The following KIF20A variants were observed in gnomAD, a reference collection of about 807,000 sequenced individuals.
KIF20A encodes kinesin-like protein KIF20A.
KIF20A carries 66 observed loss-of-function variants against 113.0 expected under a neutral mutation model. The observed-to-expected ratio is 0.58, with a 90% CI of 0.48 to 0.72. KIF20A has a LOEUF of 0.72. KIF20A is among the 30% of genes least tolerant of loss of function. The pLI, the probability that KIF20A is intolerant of heterozygous loss-of-function variation, is 0.00. For synonymous variants in KIF20A, 376 were observed against 402.3 expected, an observed-to-expected ratio of 0.93 and a Z score of 0.78; for missense variants, 927 against 1,077.6, an observed-to-expected ratio of 0.86 and a Z score of 1.96.
chr5:138,185,616 A>G lies in KIF20A; in HGVS notation c.2031A>G (p.Ser677=), dbSNP rs546302595. ...QSGSELALRR[S]QRLAASASTQ... is the part of the protein sequence containing the mutation. Reference sequence around the variant, plus strand: ...GGTCTGAATTGGCCCTACGGCGGTCACAAAGGTTGGCAGCTTCTGCCTCCA... The same window carrying G: ...GGTCTGAATTGGCCCTACGGCGGTCGCAAAGGTTGGCAGCTTCTGCCTCCA... The change falls in exon 16 of 19, where the codon TCA becomes TCG. Residue 677 remains serine, a synonymous_variant. Coordinates refer to ENST00000394894, the MANE Select transcript of KIF20A (RefSeq NM_005733.3). The G allele has an allele frequency of 6.2e-7, 1 of 1,614,214 alleles. No individual in the cohort carries two copies. Among genetic ancestry groups the G allele is most frequent in the East Asian group, 2.2e-5 (1 of 44,894 alleles).
rs1178115892 is a variant in KIF20A, at chr5:138,187,337, GCAGCCCTTATGC to G, written c.2599_2610del (p.Ser867_Ala870del). ...CCAACCTGCCAAAGCTCAACAGACT[GCAGCCCTTATGC>G]CCGGATCCTACGCTCACGGCGTTCC... is the stretch of plus-strand genomic sequence containing the variant. On this transcript the variant is annotated inframe_deletion, in exon 19 of 19. Transcript: ENST00000394894. 2 of 1,614,060 alleles carry G rather than the reference GCAGCCCTTATGC, an allele frequency of 1.2e-6. No individual in the cohort carries two copies. Among genetic ancestry groups the G allele is most frequent in the Non-Finnish European group, 1.7e-6 (2 of 1,180,034 alleles).
chr5:138,184,215 CTA>C, intron 11 of KIF20A, 22 bp from the exon 12 acceptor site: 6 of 1,613,398 alleles, frequency 3.7e-6, no homozygotes, highest in African/African-American at 2.7e-5. Context: ...GCTCACAGCT[CTA>C]TTATCTCTGA....
intron 15 of KIF20A, 42 bp downstream of exon 15, chr5:138,185,239 C>T (rs1269951565): frequency 7.6e-7 from 1 of 1,311,446 alleles, no homozygotes; most frequent in Non-Finnish European, 1.1e-6. Flanking sequence ...GCTCAGATTT[C>T]CATCACTAGC....
intron 17 of KIF20A, 114 bp from the exon 18 acceptor site, chr5:138,186,180 C>G: frequency 1.3e-6 from 2 of 1,496,564 alleles, no homozygotes; most frequent in Non-Finnish European, 1.8e-6. Context: ...GGCTATTTCA[C>G]TCAGCTGACT....
rs1754731257 is a variant in KIF20A at position 138,185,600 on chromosome 5, T to C, written c.2015T>C (p.Leu672Ser). ...GCCCATCAGCAATCAGGGTCTGAAT[T>C]GGCCCTACGGCGGTCACAAAGGTTG... is the stretch of plus-strand genomic sequence containing the variant. ...SVAHQQSGSE[L>S]ALRRSQRLAA... The change falls in exon 16 of 19, where the codon TTG (leucine) becomes TCG (serine). Residue 672 changes from leucine to serine, a missense_variant. By Grantham distance (145) the Leu-to-Ser change is moderately radical. Transcript: ENST00000394894. 1 of 1,614,072 alleles carries C rather than the reference T, an allele frequency of 6.2e-7. No individual in the cohort carries two copies. The highest frequency in any genetic ancestry group is 1.7e-5 in the Admixed American group (1 of 60,006).
intron 17 of KIF20A, 89 bp downstream of exon 17, chr5:138,186,141 G>A: frequency 6.7e-7 from 1 of 1,499,342 alleles, no homozygotes; most frequent in Non-Finnish European, 9.3e-7. Flanking sequence ...GTGAAGACAA[G>A]ATGTTTTTTG....
chr5:138,180,707 G>A (rs1014288838), intron 2 of KIF20A, among the ~76,000 whole-genome samples: 7 of 151,918 alleles, frequency 4.6e-5, no homozygotes, highest in Admixed American at 3.9e-4. Context: ...ATGGAGTCTC[G>A]CTCTGTCCCC....
chr5:138,183,629 T>G lies in KIF20A; in HGVS notation c.1139+48T>G. 6.2e-7 allele frequency: 1 copy of G among 1,606,384 alleles called. No individual in the cohort carries two copies. The highest frequency in any genetic ancestry group is 8.5e-7 in the Non-Finnish European group (1 of 1,173,122). On this transcript the variant is annotated intron_variant, in intron 9 of 18. Transcript: ENST00000394894. This position sits in a 1 kb window ranked among gnomAD's most constrained non-coding sequence, Gnocchi z 5.2. The stretch of plus-strand genomic sequence containing the variant: ...CTCTTCACTGTGTTCCAGGAAACAT[T>G]AGTCCTCTGCCTGGTCATGGAAAAT...
Position 138,185,666 on chromosome 5 carries a change from C to T in KIF20A, c.2081C>T (p.Ala694Val), listed in dbSNP as rs746078617. 6.2e-7 allele frequency: 1 copy of T among 1,614,154 alleles called. No homozygotes were observed. Among genetic ancestry groups the T allele is most frequent in the Non-Finnish European group, 8.5e-7 (1 of 1,180,006 alleles). ...ASTQQLQEVK[A>V]KLQQCKAELN... ...ACCCAGCAGCTTCAGGAGGTTAAAG[C>T]TAAATTACAGCAGTGCAAAGCAGAG... Residue 694 changes from alanine (A) to valine (V), a missense_variant, in exon 16 of 19, where the codon GCT becomes GTT. Transcript: ENST00000394894.
intron 1 of KIF20A, 140 bp from the exon 2 acceptor site, chr5:138,179,520 C>A: frequency 1.6e-6 from 1 of 644,838 alleles, no homozygotes; most frequent in Non-Finnish European, 2.7e-6. Context: ...CATTCCCTTC[C>A]CCTTTGCCGA....
In KIF20A at chr5:138,181,704, C is replaced by T. The variant is rs34756161; in HGVS notation, c.351C>T (p.Ala117=). The T allele has an allele frequency of 1.5e-5, 25 of 1,613,940 alleles. No individual in the cohort carries two copies. In the African/African-American group the frequency reaches 3.3e-4, roughly 22 times the overall value. ...GCAATGAACGGGGAATTGGCCAAGC[C>T]ACACACAGGTTCACCTTTTCCCAGG... ...LKSNERGIGQ[A]THRFTFSQIF... is the part of the protein sequence containing the mutation. Residue 117 remains alanine, a synonymous_variant, in exon 4 of 19, where the codon GCC becomes GCT. Coordinates refer to ENST00000394894, the MANE Select transcript of KIF20A (RefSeq NM_005733.3).
intron 18 of KIF20A, 64 bp downstream of exon 18, chr5:138,186,495 G>T: frequency 6.6e-7 from 1 of 1,522,822 alleles, no homozygotes; most frequent in South Asian, 1.3e-5. Context: ...TGTGAGAAAG[G>T]AAAGAGGACC....
chr5:138,180,952 T>C (rs145489779), intron 2 of KIF20A, among the ~76,000 whole-genome samples: 3,259 of 152,336 alleles, frequency 0.021, 83 homozygotes, highest in African/African-American at 0.064. Context: ...GCCGGGATTA[T>C]AGGCGTGAGC....
At position 138,182,689 on chromosome 5, in the gene KIF20A, C is replaced by T; in HGVS notation, c.618C>T (p.Ser206=). The T allele has an allele frequency of 6.2e-7, 1 of 1,614,108 alleles. No individual in the cohort carries two copies. The highest frequency in any genetic ancestry group is 8.5e-7 in the Non-Finnish European group (1 of 1,180,028). ...CACCTGATCTGAAGCCCTTGCTCTC[C>T]AATGAGGTAATCTGGCTAGACAGCA... is the stretch of plus-strand genomic sequence containing the variant. The part of the protein sequence containing the change: ...HPTPDLKPLL[S]NEVIWLDSKQ... Residue 206 remains serine, a synonymous_variant, in exon 6 of 19, where the codon TCC becomes TCT. Coordinates refer to ENST00000394894, the MANE Select transcript of KIF20A (RefSeq NM_005733.3).
Position 138,185,730 on chromosome 5 carries a change from G to A in KIF20A, c.2125+20G>A. ...CTGAAGGTGAGGAAAGAGACAGGCA[G>A]GAAACATAACAGTGGTTCAGGGAAG... On this transcript the variant is annotated intron_variant, in intron 16 of 18. Transcript: ENST00000394894. 6.2e-7 allele frequency: 1 copy of A among 1,612,636 alleles called. No individual in the cohort carries two copies. The highest frequency in any genetic ancestry group is 8.5e-7 in the Non-Finnish European group (1 of 1,178,682).
intron 2 of KIF20A, 122 bp from the exon 3 acceptor site, chr5:138,181,300 C>T (rs1168405966): frequency 3.9e-6 from 3 of 769,246 alleles, no homozygotes; most frequent in Admixed American, 2.1e-5. Context: ...AGTAGCTGCA[C>T]AGAGACATTT....
Position 138,187,605 on chromosome 5 carries a change from A to G in KIF20A, c.*192A>G. ...CTCATGTTGTTGTTTTTTTTTATTT[A>G]CTTATATGATTTCTATGCACACAAA... is the stretch of plus-strand genomic sequence containing the variant. On this transcript the variant is annotated 3_prime_UTR_variant, in exon 19 of 19. Transcript: ENST00000394894. 2.0e-6 allele frequency: 1 copy of G among 489,344 alleles called. No homozygotes were observed. The highest frequency in any genetic ancestry group is 3.6e-5 in the South Asian group (1 of 28,160). The allele number at this position is 489,344 out of a possible 1,614,324, so 30.3% of individuals were successfully genotyped here. A position where few individuals can be genotyped will look rare whatever the true frequency, so the allele number is the denominator to read the frequency against.
chr5:138,179,803 A>T lies in KIF20A; in HGVS notation c.123A>T (p.Ser41=), dbSNP rs751109917. The T allele has an allele frequency of 5.0e-6, 8 of 1,614,144 alleles. No individual in the cohort carries two copies. Among genetic ancestry groups the T allele is most frequent in the Non-Finnish European group, 5.9e-6 (7 of 1,180,030 alleles). Residue 41 remains serine (S), a synonymous_variant, in exon 2 of 19, where the codon TCA becomes TCT. Coordinates refer to ENST00000394894, the MANE Select transcript of KIF20A (RefSeq NM_005733.3). ...LGSVVRKNLL[S]DCSVVSTSLE... The stretch of plus-strand genomic sequence containing the variant: ...CTGTGGTACGCAAGAACCTGCTATC[A>T]GACTGCTCTGTCGTCTCTACCTCCC...
At chr5:138,184,768 T>C (rs1184493733) in intron 13 of KIF20A, 39 bp from the exon 14 acceptor site, 1 of 1,612,688 alleles carries the variant, frequency 6.2e-7, no homozygotes, top group Admixed American at 1.7e-5. Context: ...TCTGAGGGCA[T>C]GAGCATCTGA....
Sources: gnomAD v4.1 joint callset for allele counts (sites outside exome capture counted in the v4.1 genomes callset) on GRCh38, gnomAD v4.1.1 for gene constraint, Gnocchi (gnomAD v3.1) non-coding constraint, MANE v1.5 for transcripts, NCBI Gene and HGNC (gene_info 2026-07-23, HGNC 2026-07-21) for gene names.